Variants in PCNX1 observed in about 807,000 individuals in gnomAD.
PCNX1 encodes the protein pecanex-like protein 1.
In PCNX1, 78 loss-of-function variants were observed where a neutral mutation model predicts 242.2. The ratio of observed to expected loss-of-function variants is 0.32; its 90% CI spans 0.27 to 0.39. The LOEUF (loss-of-function observed/expected upper bound fraction) is 0.39, where lower values mean the gene tolerates loss of function less well. PCNX1 is among the 10% of genes least tolerant of loss of function. PCNX1 has a pLI of 1.00. For missense variants in PCNX1, 2,581 were observed against 2,856.5 expected, an observed-to-expected ratio of 0.90 and a Z score of 2.20; for synonymous variants, 1,024 against 1,032.9, an observed-to-expected ratio of 0.99 and a Z score of 0.17.
rs958016888 is a variant in PCNX1, at chr14:71,110,419, T to A, written c.*484T>A. 2 of 175,130 alleles carry A rather than the reference T, an allele frequency of 1.1e-5. No individual in the cohort carries two copies. The highest frequency in any genetic ancestry group is 1.1e-4 in the Admixed American group (2 of 17,440). 10.8% of individuals were successfully genotyped at this position (175,130 alleles called of 1,614,324 possible). ...AGCAGTATAAAAGTTTAATGTACAG[T>A]GAAAGAGACTATGAACAGACATAGA... On this transcript the variant is annotated 3_prime_UTR_variant, in exon 36 of 36. Transcript: ENST00000304743.
At chr14:70,911,803 G>A (rs1209031867) in intron 1 of PCNX1, among the ~76,000 whole-genome samples, 2 of 152,096 alleles carry the variant, frequency 1.3e-5, no homozygotes, top group Non-Finnish European at 2.9e-5. Context: ...TGAAAAAATG[G>A]CTAATTGGAA....
intron 15 of PCNX1, 195 bp downstream of exon 15, chr14:71,027,077 GAGAA>G: frequency 2.2e-6 from 1 of 453,016 alleles, no homozygotes; most frequent in Non-Finnish European, 3.9e-6. Context: ...TGCTACTTTA[GAGAA>G]AGAGCCAGGT....
chr14:71,049,951 A>T (rs1314062695), intron 22 of PCNX1, among the ~76,000 whole-genome samples: 1 of 152,242 alleles, frequency 6.6e-6, no homozygotes, highest in African/African-American at 2.4e-5. Context: ...TTCCACTGAC[A>T]ACAATTAAGG....
chr14:71,057,444 A>T, intron 25 of PCNX1, 65 bp from the exon 26 acceptor site: 1 of 999,484 alleles, frequency 1.0e-6, no homozygotes, highest in Non-Finnish European at 1.5e-6. Flanking sequence ...TAATATTTTT[A>T]ACAATCTTGT....
chr14:70,998,576 C>T (rs2059417516), intron 8 of PCNX1, among the ~76,000 whole-genome samples: 1 of 151,462 alleles, frequency 6.6e-6, no homozygotes, highest in African/African-American at 2.4e-5. Flanking sequence ...AATGGTGAAT[C>T]CCCATCTCTA....
At chr14:70,943,352 A>C (rs947494313) in intron 1 of PCNX1, among the ~76,000 whole-genome samples, 2 of 152,214 alleles carry the variant, frequency 1.3e-5, no homozygotes, top group Admixed American at 6.5e-5. Flanking sequence ...TGGACAATGA[A>C]GTCTAGGCTG....
intron 2 of PCNX1, among the ~76,000 whole-genome samples, chr14:70,955,617 C>T (rs2057962361): frequency 6.6e-6 from 1 of 151,984 alleles, no homozygotes; most frequent in African/African-American, 2.4e-5. Flanking sequence ...GTAGATATTA[C>T]CTGAATTTGT....
chr14:70,962,210 A>T lies in PCNX1; in HGVS notation c.363-16A>T. On this transcript the variant is annotated splice_polypyrimidine_tract_variant and intron_variant, in intron 2 of 35. Coordinates refer to ENST00000304743, the MANE Select transcript of PCNX1 (RefSeq NM_014982.3). The stretch of plus-strand genomic sequence containing the variant: ...AATAATGACAGTTACTCTTTTTCTC[A>T]TTTTTTTCTCCACAGTGATCCTGGT... The T allele has an allele frequency of 6.7e-7, 1 of 1,482,618 alleles. No homozygotes were observed. The highest frequency in any genetic ancestry group is 9.4e-7 in the Non-Finnish European group (1 of 1,060,478). 91.8% of individuals were successfully genotyped at this position (1,482,618 alleles called of 1,614,324 possible).
chr14:71,082,134 G>A (rs1488254557), intron 28 of PCNX1, among the ~76,000 whole-genome samples: 1 of 152,096 alleles, frequency 6.6e-6, no homozygotes, highest in Non-Finnish European at 1.5e-5. Context: ...TCATTCAGGG[G>A]CAGGTTTTTC....
At chr14:70,968,968 C>T in intron 4 of PCNX1, 53 bp from the exon 5 acceptor site, 1 of 1,014,512 alleles carries the variant, frequency 9.9e-7, no homozygotes, top group Non-Finnish European at 1.6e-6. Flanking sequence ...TTATGCCACC[C>T]TACAGCCTTA....
At chr14:71,006,874 T>C (rs903065087) in intron 8 of PCNX1, among the ~76,000 whole-genome samples, 2 of 152,198 alleles carry the variant, frequency 1.3e-5, no homozygotes, top group Non-Finnish European at 2.9e-5. Flanking sequence ...AGACTTGTTC[T>C]TTTGGAGTGA....
At chr14:71,064,695 T>C (rs1301042972) in intron 26 of PCNX1, among the ~76,000 whole-genome samples, 1 of 152,220 alleles carries the variant, frequency 6.6e-6, no homozygotes, top group Non-Finnish European at 1.5e-5. Context: ...GGTATACACA[T>C]GCCATGGAGG....
chr14:70,994,396 GATATATATAT>G lies in PCNX1; in HGVS notation c.2445-1320_2445-1311del, dbSNP rs35068772. Among the ~76,000 whole-genome samples the G allele has an allele frequency of 2.7e-3, 265 of 96,928 alleles. 10 individuals carry two copies. Among genetic ancestry groups the G allele is most frequent in the Middle Eastern group, 5.4e-3 (1 of 184 alleles). 63.6% of individuals were successfully genotyped at this position (96,928 alleles called of 152,430 possible). Reference sequence around the variant, plus strand: ...TCTATTATCATAACCACAGGCTTAAGATATATATATATATATATATATATATATATATATG... The same window carrying G: ...TCTATTATCATAACCACAGGCTTAAGATATATATATATATATATATATATG... On this transcript the variant is annotated intron_variant, in intron 7 of 35. Coordinates refer to ENST00000304743, the MANE Select transcript of PCNX1 (RefSeq NM_014982.3).
At chr14:71,085,515 A>T (rs929375002) in intron 28 of PCNX1, 1 of 152,864 alleles carries the variant, frequency 6.5e-6, no homozygotes, top group Non-Finnish European at 1.5e-5. Flanking sequence ...GACTGCATCA[A>T]ATTGGATTCC....
chr14:71,029,633 G>A (rs568737110), intron 16 of PCNX1, among the ~76,000 whole-genome samples: 6 of 152,224 alleles, frequency 3.9e-5, no homozygotes, highest in Non-Finnish European at 7.4e-5. Context: ...CTGCCAAAAG[G>A]GATTAAAGAC....
intron 30 of PCNX1, among the ~76,000 whole-genome samples, chr14:71,092,321 G>C (rs747064129): frequency 7.9e-5 from 12 of 152,222 alleles, no homozygotes; most frequent in South Asian, 2.1e-4. Context: ...CAGGATTGCT[G>C]TAAGAAAGGC....
intron 3 of PCNX1, among the ~76,000 whole-genome samples, chr14:70,966,097 A>C (rs1027747394): frequency 3.9e-5 from 6 of 152,176 alleles, no homozygotes; most frequent in Non-Finnish European, 7.4e-5. Context: ...ACTTTGGGGA[A>C]TGCATTGCAT....
At position 70,978,024 on chromosome 14, in the gene PCNX1, C is replaced by T. The variant is rs749599010; in HGVS notation, c.1687C>T (p.Arg563Cys). Residue 563 changes from arginine (R) to cysteine (C), a missense_variant, in exon 6 of 36, where the codon CGC (arginine) becomes TGC (cysteine). Around this residue, in one of 9 missense-constraint regions of PCNX1, gnomAD observed 1,204 missense variants for 1,216.7 expected, o/e 0.99. Coordinates refer to ENST00000304743, the MANE Select transcript of PCNX1 (RefSeq NM_014982.3). ...TASAHKSGRRRTGKKRASSFD... is the reference protein window; with the variant it reads ...TASAHKSGRRCTGKKRASSFD... ...TTCTGCCCACAAGTCAGGCAGGAGA[C>T]GCACAGGAAAAAAACGGGCTAGCAG... 122 of 1,613,874 alleles carry T rather than the reference C, an allele frequency of 7.6e-5. No homozygotes were observed. Among genetic ancestry groups the T allele is most frequent in the Admixed American group, 4.5e-4 (27 of 59,986 alleles).
chr14:70,993,812 T>A (rs532189559), intron 7 of PCNX1, among the ~76,000 whole-genome samples: 2 of 152,342 alleles, frequency 1.3e-5, no homozygotes, highest in African/African-American at 4.8e-5. Flanking sequence ...CTCAGTATTT[T>A]CTTCCTTGTG....
Sources: allele counts gnomAD v4.1 joint callset (sites outside exome capture counted in the v4.1 genomes callset), GRCh38; gene constraint gnomAD v4.1.1; regional missense constraint gnomAD v4.1.1; transcripts MANE v1.5; gene names NCBI Gene and HGNC (gene_info 2026-07-23, HGNC 2026-07-21).